C6orf132: variants seen among roughly 807,000 people sequenced by gnomAD.
C6orf132 encodes uncharacterized protein C6orf132.
A neutral mutation model predicts 65.3 loss-of-function variants in C6orf132; 43 were observed. The observed-to-expected ratio is 0.66, with a 90% CI of 0.52 to 0.85. The LOEUF is 0.85. C6orf132 is among the 40% of genes least tolerant of loss of function. The pLI is 0.00. For synonymous variants in C6orf132, 631 were observed against 654.1 expected (o/e 0.96, Z 0.54); for missense variants, 1,488 against 1,548.8 (o/e 0.96, Z 0.66).
In C6orf132 at chr6:42,123,478, GAGA is replaced by G. The variant is rs752596820; in HGVS notation, c.252+5191_252+5193del. On this transcript the variant is annotated intron_variant, in intron 2 of 4. Coordinates refer to ENST00000341865, the MANE Select transcript of C6orf132 (RefSeq NM_001164446.3). ...GAAGGAGAAGGAGAAGAAGGAGAAG[GAGA>G]AGAAGAAGAAGAAAAGAAGAAAGAA... Among the ~76,000 whole-genome samples, 45 of 95,624 alleles carry G rather than the reference GAGA, an allele frequency of 4.7e-4. No homozygotes were observed. The East Asian group carries it at 5.0e-3, about 11-fold the overall frequency. The allele number at this position is 95,624 out of a possible 152,430, so 62.7% of individuals were successfully genotyped here. A position where few individuals can be genotyped will look rare whatever the true frequency, so the allele number is the denominator to read the frequency against.
intron 2 of C6orf132, among the ~76,000 whole-genome samples, chr6:42,121,571 T>C (rs1766684359): frequency 6.6e-6 from 1 of 152,188 alleles, no homozygotes; most frequent in Admixed American, 6.5e-5. Flanking sequence ...TCCTCATGCC[T>C]GGGATTCCTC....
At chr6:42,139,526 T>C (rs75456406) in intron 1 of C6orf132, among the ~76,000 whole-genome samples, 64 of 152,342 alleles carry the variant, frequency 4.2e-4, no homozygotes, top group African/African-American at 1.4e-3. Context: ...AGGGGCATAG[T>C]TGGTTATGTT....
chr6:42,121,938 T>A (rs1014193881), intron 2 of C6orf132, among the ~76,000 whole-genome samples: 2 of 152,138 alleles, frequency 1.3e-5, no homozygotes, highest in African/African-American at 2.4e-5. Context: ...CCCAGCCAGT[T>A]GTTTTCCTGG....
chr6:42,126,629 G>A (rs1766769692), intron 2 of C6orf132: 1 of 216,062 alleles, frequency 4.6e-6, no homozygotes, highest in African/African-American at 2.3e-5. Context: ...ATCACCTGAG[G>A]TCAGGAGTTC....
At position 42,128,683 on chromosome 6, in the gene C6orf132, A is replaced by G. The variant is rs1198540225; in HGVS notation, c.241T>C (p.Phe81Leu). The G allele has an allele frequency of 1.3e-6, 2 of 1,551,022 alleles. No homozygotes were observed. Among genetic ancestry groups the G allele is most frequent in the Non-Finnish European group, 1.7e-6 (2 of 1,146,800 alleles). ...AGAACCGTACTCACCAGCGGAAGGAAGGTCAGCAGGGGCCGGACTCTTGGC... is the reference window on the plus strand; with the variant it reads ...AGAACCGTACTCACCAGCGGAAGGAGGGTCAGCAGGGGCCGGACTCTTGGC... ...ARPRVRPLLT[F>L]LPLNAQENHG... Residue 81 changes from phenylalanine to leucine, a missense_variant, in exon 2 of 5, where the codon TTC becomes CTC. Physicochemically the swap from Phe to Leu is conservative, Grantham distance 22. Transcript: ENST00000341865.
In C6orf132 at chr6:42,106,694, TG is replaced by T; in HGVS notation, c.1217del (p.Pro406GlnfsTer111). 2.2e-6 allele frequency: 1 copy of T among 450,180 alleles called. No individual in the cohort carries two copies. The highest frequency in any genetic ancestry group is 2.7e-6 in the Non-Finnish European group (1 of 368,558). 27.9% of individuals were successfully genotyped at this position (450,180 alleles called of 1,614,324 possible). On this transcript the variant is annotated frameshift_variant, in exon 4 of 5. Coordinates refer to ENST00000341865, the MANE Select transcript of C6orf132 (RefSeq NM_001164446.3). LOFTEE classifies it high-confidence loss of function. Reference sequence around the variant, plus strand: ...GTGCAGCTGGGGGAAGTGGGGGTGCTGGGGGAGGGAGGGGGGGTGCAGGAGG... The same window carrying T: ...GTGCAGCTGGGGGAAGTGGGGGTGCTGGGGAGGGAGGGGGGGTGCAGGAGG... ...LPPPAPPLPP[P>X]APPLPPAAPP...
rs1459574611 is a variant in C6orf132 at position 42,110,212 on chromosome 6, T to C, written c.328+4A>G. 1 of 1,548,022 alleles carries C rather than the reference T, an allele frequency of 6.5e-7. No homozygotes were observed. Among genetic ancestry groups the C allele is most frequent in the Non-Finnish European group, 8.7e-7 (1 of 1,145,562 alleles). ...GACAAGCCCCAAGCCCAGGGTTCACTTACCTGTCACTTCTTTGTCTGCAAA... is the reference window on the plus strand; with the variant it reads ...GACAAGCCCCAAGCCCAGGGTTCACCTACCTGTCACTTCTTTGTCTGCAAA... On this transcript the variant is annotated splice_donor_region_variant and intron_variant, in intron 3 of 4. Coordinates refer to ENST00000341865, the MANE Select transcript of C6orf132 (RefSeq NM_001164446.3).
At chr6:42,131,018 T>C (rs1252955862) in intron 1 of C6orf132, among the ~76,000 whole-genome samples, 3 of 152,158 alleles carry the variant, frequency 2.0e-5, no homozygotes, top group African/African-American at 7.2e-5. Context: ...CCGAAGTAGT[T>C]GGGATTACAG....
chr6:42,128,005 A>G lies in C6orf132; in HGVS notation c.252+667T>C, dbSNP rs140884986. On this transcript the variant is annotated intron_variant, in intron 2 of 4. Transcript: ENST00000341865. Reference sequence around the variant, plus strand: ...AGTGGCGCCATCTTGGTTCACTGCAAGCTCCGCCTCCTGGGTTCATGCCAT... The same window carrying G: ...AGTGGCGCCATCTTGGTTCACTGCAGGCTCCGCCTCCTGGGTTCATGCCAT... 6.5e-4 allele frequency among the ~76,000 whole-genome samples: 99 copies of G among 151,384 alleles called. No homozygotes were observed. The East Asian group carries it at 0.018, about 28-fold the overall frequency.
Position 42,102,810 on chromosome 6 carries a change from T to G in C6orf132, c.*951A>C, listed in dbSNP as rs189986304. On this transcript the variant is annotated 3_prime_UTR_variant, in exon 5 of 5. Transcript: ENST00000341865. ...TCTGCTGCCTCCACTCTCCAAGGCT[T>G]TCTAGCATCTTAAGGCATCAAGAGT... 6.1e-5 allele frequency: 21 copies of G among 342,092 alleles called. No individual in the cohort carries two copies. Among genetic ancestry groups the G allele is most frequent in the Non-Finnish European group, 1.1e-4 (21 of 190,526 alleles). The allele number at this position is 342,092 out of a possible 1,614,324, so 21.2% of individuals were successfully genotyped here.
chr6:42,114,065 G>T (rs369567146), intron 2 of C6orf132, among the ~76,000 whole-genome samples: 1 of 152,252 alleles, frequency 6.6e-6, no homozygotes, highest in South Asian at 2.1e-4. Flanking sequence ...TGTGTGGGAG[G>T]AAGACGGATA....
chr6:42,118,663 CG>C (rs1208697751), intron 2 of C6orf132, among the ~76,000 whole-genome samples: 2 of 152,084 alleles, frequency 1.3e-5, no homozygotes, highest in South Asian at 4.1e-4. Context: ...CCTGGGCAGC[CG>C]GCCACAGCCA....
At chr6:42,128,302 C>G (rs1766797964) in intron 2 of C6orf132, among the ~76,000 whole-genome samples, 1 of 152,174 alleles carries the variant, frequency 6.6e-6, no homozygotes, top group African/African-American at 2.4e-5. Flanking sequence ...TCCTTGAGAA[C>G]AGCAAGGCTG....
In C6orf132 at chr6:42,104,806, A is replaced by G. The variant is rs1330537653; in HGVS notation, c.3106T>C (p.Phe1036Leu). 1.4e-6 allele frequency: 2 copies of G among 1,480,134 alleles called. No individual in the cohort carries two copies. The highest frequency in any genetic ancestry group is 1.8e-6 in the Non-Finnish European group (2 of 1,121,976). The allele number at this position is 1,480,134 out of a possible 1,614,324, so 91.7% of individuals were successfully genotyped here. A position where few individuals can be genotyped will look rare whatever the true frequency, so the allele number is the denominator to read the frequency against. The change falls in exon 4 of 5, where the codon TTC becomes CTC. Residue 1036 changes from phenylalanine to leucine, a missense_variant. Phe to Leu is a conservative substitution (Grantham distance 22, BLOSUM62 0). Coordinates refer to ENST00000341865, the MANE Select transcript of C6orf132 (RefSeq NM_001164446.3). This position sits in a 1 kb window ranked among gnomAD's most constrained non-coding sequence, Gnocchi z 4.1. ...AGPGAPPALG[F>L]SRFPAGARYA... ...CGCGCGCCCGCGGGAAAGCGCGAGAAGCCGAGAGCCGGGGGCGCCCCGGGG... is the reference window on the plus strand; with the variant it reads ...CGCGCGCCCGCGGGAAAGCGCGAGAGGCCGAGAGCCGGGGGCGCCCCGGGG...
intron 2 of C6orf132, among the ~76,000 whole-genome samples, chr6:42,113,825 A>T (rs1766527832): frequency 6.6e-6 from 1 of 150,754 alleles, no homozygotes; most frequent in South Asian, 2.1e-4. Context: ...AAAAAAGAAA[A>T]GAAAAAAAAG....
chr6:42,138,567 G>A (rs1327920569), intron 1 of C6orf132, among the ~76,000 whole-genome samples: 27 of 152,314 alleles, frequency 1.8e-4, no homozygotes, highest in African/African-American at 5.5e-4. Context: ...GATTACAGGC[G>A]TGAGCCACCG....
intron 1 of C6orf132, among the ~76,000 whole-genome samples, chr6:42,140,827 G>A (rs1767018868): frequency 6.6e-6 from 1 of 152,244 alleles, no homozygotes; most frequent in Non-Finnish European, 1.5e-5. Context: ...TTGCACCTAA[G>A]AAGGGATTAA....
chr6:42,120,310 G>C (rs556997466), intron 2 of C6orf132, among the ~76,000 whole-genome samples: 1 of 148,790 alleles, frequency 6.7e-6, no homozygotes, highest in South Asian at 2.2e-4. Context: ...GCAGTGGCGC[G>C]ATCTCGGCTC....
Position 42,116,303 on chromosome 6 carries a change from C to T in C6orf132, c.253-6012G>A, listed in dbSNP as rs1180479734. 3.3e-5 allele frequency among the ~76,000 whole-genome samples: 5 copies of T among 152,168 alleles called. 1 individual carries two copies. The South Asian group carries it at 6.2e-4, about 19-fold the overall frequency. On this transcript the variant is annotated intron_variant, in intron 2 of 4. Coordinates refer to ENST00000341865, the MANE Select transcript of C6orf132 (RefSeq NM_001164446.3). ...ATGAGACAGGTGCTGTCATTGCTAC[C>T]GCCATTTTCCAGATGAGGAAATGGA...
Sources: allele counts gnomAD v4.1 joint callset (sites outside exome capture counted in the v4.1 genomes callset), GRCh38; gene constraint gnomAD v4.1.1; non-coding constraint Gnocchi (gnomAD v3.1); transcripts MANE v1.5; gene names NCBI Gene and HGNC (gene_info 2026-07-23, HGNC 2026-07-21).